Variants in BRINP2 observed in about 807,000 individuals in gnomAD.
The protein encoded by BRINP2 is BMP/retinoic acid-inducible neural-specific protein 2.
Under a neutral mutation model 69.2 loss-of-function variants are expected in BRINP2, and 21 were observed. That is an observed-to-expected ratio of 0.30 (90% CI 0.22 to 0.44). BRINP2 has a LOEUF of 0.44. BRINP2 is among the 20% of genes least tolerant of loss of function. The probability of loss-of-function intolerance (pLI) is 1.00; values close to 1 mark genes in which losing one functional copy is unlikely to be tolerated. For synonymous variants in BRINP2, 380 were observed against 394.1 expected (o/e 0.96, Z 0.42); for missense variants, 877 against 986.0 (o/e 0.89, Z 1.48).
chr1:177,274,472 A>C (rs1021157841), intron 5 of BRINP2, among the ~76,000 whole-genome samples: 1 of 152,214 alleles, frequency 6.6e-6, no homozygotes, highest in Non-Finnish European at 1.5e-5. Flanking sequence ...AGGAATTAAG[A>C]AATATATAAG....
At chr1:177,275,128 G>A (rs1304037159) in intron 5 of BRINP2, 3 of 456,146 alleles carry the variant, frequency 6.6e-6, no homozygotes, top group Admixed American at 4.7e-5. Flanking sequence ...ATCTGACCTC[G>A]AACGTGGCCC....
At chr1:177,264,783 C>A (rs1300295628) in intron 4 of BRINP2, among the ~76,000 whole-genome samples, 1 of 152,072 alleles carries the variant, frequency 6.6e-6, no homozygotes, top group Non-Finnish European at 1.5e-5. Flanking sequence ...AATTACAAAC[C>A]ACTGCTCAAG....
At chr1:177,224,948 G>A (rs1365297444) in intron 1 of BRINP2, among the ~76,000 whole-genome samples, 3 of 152,102 alleles carry the variant, frequency 2.0e-5, no homozygotes, top group Admixed American at 6.5e-5. Flanking sequence ...ACCCCTCCTT[G>A]GCAATAATTT....
intron 1 of BRINP2, among the ~76,000 whole-genome samples, chr1:177,223,729 C>T (rs908075107): frequency 6.6e-6 from 1 of 152,034 alleles, no homozygotes; most frequent in Non-Finnish European, 1.5e-5. Context: ...TATTATTAAC[C>T]TGATTCTATA....
intron 3 of BRINP2, 138 bp downstream of exon 3, chr1:177,256,247 A>G: frequency 9.8e-6 from 14 of 1,422,852 alleles, no homozygotes; most frequent in South Asian, 1.5e-5. Flanking sequence ...GTGCATTTGA[A>G]AACAGTGCAG....
intron 1 of BRINP2, among the ~76,000 whole-genome samples, chr1:177,207,420 T>C: frequency 6.6e-6 from 1 of 152,158 alleles, no homozygotes; most frequent in Non-Finnish European, 1.5e-5. Flanking sequence ...AGTGTTGTCA[T>C]AGGATGCAGC....
chr1:177,254,744 T>C (rs931094542), intron 2 of BRINP2, among the ~76,000 whole-genome samples: 1 of 152,160 alleles, frequency 6.6e-6, no homozygotes, highest in Non-Finnish European at 1.5e-5. Context: ...ACTGACAGTA[T>C]TTGTTGCCAA....
intron 1 of BRINP2, among the ~76,000 whole-genome samples, chr1:177,212,893 A>C (rs990189505): frequency 4.6e-5 from 7 of 152,214 alleles, no homozygotes; most frequent in Non-Finnish European, 7.3e-5. Flanking sequence ...CAAGATCTTG[A>C]AGCTAGGTGA....
chr1:177,182,689 A>T (rs182533565), intron 1 of BRINP2, among the ~76,000 whole-genome samples: 1 of 152,300 alleles, frequency 6.6e-6, no homozygotes, highest in East Asian at 1.9e-4. Flanking sequence ...CGACATGGTC[A>T]TTGAGAGAAG....
chr1:177,233,049 G>A (rs113416727), intron 2 of BRINP2, among the ~76,000 whole-genome samples: 2 of 152,156 alleles, frequency 1.3e-5, no homozygotes, highest in African/African-American at 4.8e-5. Flanking sequence ...CTGTTGAACA[G>A]ATCAAAACAA....
chr1:177,276,232 G>A lies in BRINP2; in HGVS notation c.810G>A (p.Glu270=). Residue 270 remains glutamate, a synonymous_variant, in exon 6 of 8, where the codon GAG becomes GAA. Coordinates refer to ENST00000361539, the MANE Select transcript of BRINP2 (RefSeq NM_021165.4). The part of the protein sequence containing the change: ...LQVLLPEYLR[E]RFVAAALSYI... ...TGCTGCTGCCTGAGTATCTGCGTGA[G>A]CGCTTTGTAGCTGCAGCACTCAGCT... is the stretch of plus-strand genomic sequence containing the variant. 6.2e-7 allele frequency: 1 copy of A among 1,614,094 alleles called. No individual in the cohort carries two copies. The highest frequency in any genetic ancestry group is 1.3e-5 in the African/African-American group (1 of 75,062).
intron 2 of BRINP2, among the ~76,000 whole-genome samples, chr1:177,248,986 G>T (rs1650492115): frequency 6.6e-6 from 1 of 151,956 alleles, no homozygotes; most frequent in South Asian, 2.1e-4. Flanking sequence ...GGGCCCCTTT[G>T]GATTTTAGGG....
rs185368007 is a variant in BRINP2 at position 177,263,019 on chromosome 1, G to A, written c.669+5635G>A. Among the ~76,000 whole-genome samples the A allele has an allele frequency of 4.5e-4, 68 of 152,278 alleles. 2 individuals carry two copies. The highest frequency in any genetic ancestry group is 6.8e-3 in the Middle Eastern group (2 of 294). On this transcript the variant is annotated intron_variant, in intron 4 of 7. Coordinates refer to ENST00000361539, the MANE Select transcript of BRINP2 (RefSeq NM_021165.4). The stretch of plus-strand genomic sequence containing the variant: ...ATTTAACAAAGATGTGTGTATATAC[G>A]TGGCGAAAGATAAAAGAGGGAAGAG...
At chr1:177,224,520 A>T (rs75234314) in intron 1 of BRINP2, among the ~76,000 whole-genome samples, 2,880 of 152,174 alleles carry the variant, frequency 0.019, 96 homozygotes, top group African/African-American at 0.066. Flanking sequence ...CATTTAACCG[A>T]TGATACAGTG....
At position 177,234,073 on chromosome 1, in the gene BRINP2, T is replaced by C. The variant is rs527740651; in HGVS notation, c.269+3928T>C. ...TTAGCCTCCTTCTCAGATCCATCTC[T>C]TAATAGGCTCATGGTAAGAGCTAGA... On this transcript the variant is annotated intron_variant, in intron 2 of 7. Transcript: ENST00000361539. Among the ~76,000 whole-genome samples, 6 of 152,354 alleles carry C rather than the reference T, an allele frequency of 3.9e-5. No homozygotes were observed. In the South Asian group the frequency reaches 1.2e-3, roughly 32 times the overall value.
chr1:177,266,638 T>G (rs1479071327), intron 4 of BRINP2, among the ~76,000 whole-genome samples: 1 of 151,112 alleles, frequency 6.6e-6, no homozygotes, highest in Non-Finnish European at 1.5e-5. Flanking sequence ...CGGGCACCTG[T>G]AGTCCCAGCT....
At chr1:177,183,047 T>C (rs1283194043) in intron 1 of BRINP2, among the ~76,000 whole-genome samples, 1 of 151,536 alleles carries the variant, frequency 6.6e-6, no homozygotes, top group Non-Finnish European at 1.5e-5. Context: ...TTATTTATTA[T>C]TTAAAAGCAG....
intron 1 of BRINP2, among the ~76,000 whole-genome samples, chr1:177,208,764 G>A (rs564715561): frequency 4.6e-5 from 7 of 152,252 alleles, no homozygotes; most frequent in African/African-American, 1.7e-4. Flanking sequence ...ACGTGTTTGG[G>A]TCCCAGCCTC....
intron 1 of BRINP2, among the ~76,000 whole-genome samples, chr1:177,187,811 G>A (rs1648473000): frequency 1.3e-5 from 2 of 152,260 alleles, no homozygotes; most frequent in South Asian, 4.1e-4. Flanking sequence ...CTAAGTGATA[G>A]GTATAGAGGA....
Sources: gnomAD v4.1 joint callset for allele counts (sites outside exome capture counted in the v4.1 genomes callset) on GRCh38, gnomAD v4.1.1 for gene constraint, MANE v1.5 for transcripts, NCBI Gene and HGNC (gene_info 2026-07-23, HGNC 2026-07-21) for gene names.